The following STK32B variants were observed in gnomAD, a reference collection of about 807,000 sequenced individuals.
STK32B encodes serine/threonine-protein kinase 32B.
In STK32B, 43 loss-of-function variants were observed where a neutral mutation model predicts 52.6. The observed-to-expected ratio is 0.82, with a 90% CI of 0.64 to 1.05. The LOEUF is 1.05. Ranked by LOEUF, STK32B falls within the 50% of genes least tolerant of loss-of-function variation. The probability of loss-of-function intolerance (pLI) is 0.00; values close to 1 mark genes in which losing one functional copy is unlikely to be tolerated. For missense variants in STK32B, 621 were observed against 534.6 expected (o/e 1.16, Z -1.59); for synonymous variants, 238 against 204.3 (o/e 1.17, Z -1.41).
At chr4:5,117,399 A>AT (rs58704388) in intron 1 of STK32B, among the ~76,000 whole-genome samples, 79,373 of 151,572 alleles carry the variant, frequency 0.52, 21,085 homozygotes, top group East Asian at 0.77. Flanking sequence ...TGATCATATG[A>AT]TTTTTTTTTC....
intron 1 of STK32B, among the ~76,000 whole-genome samples, chr4:5,057,551 C>T (rs527449415): frequency 5.3e-5 from 8 of 152,142 alleles, no homozygotes; most frequent in East Asian, 1.9e-4. Context: ...TTTATGGGAT[C>T]GTAAAGGGGC....
At chr4:5,136,095 A>G (rs972010490) in intron 1 of STK32B, among the ~76,000 whole-genome samples, 1 of 152,204 alleles carries the variant, frequency 6.6e-6, no homozygotes, top group African/African-American at 2.4e-5. Flanking sequence ...TGAAAACGCC[A>G]CTGGATTTGA....
intron 2 of STK32B, 127 bp downstream of exon 2, chr4:5,140,087 T>C (rs2108831673): frequency 6.8e-7 from 1 of 1,471,588 alleles, no homozygotes; most frequent in East Asian, 2.3e-5. Context: ...AAACTTGAAA[T>C]GTGAAAGGAA....
At chr4:5,198,527 G>A (rs1721879172) in intron 3 of STK32B, among the ~76,000 whole-genome samples, 1 of 152,170 alleles carries the variant, frequency 6.6e-6, no homozygotes, top group African/African-American at 2.4e-5. Context: ...GACAAGGGGA[G>A]AAAGCTGCTA....
At chr4:5,243,779 T>C (rs1725226112) in intron 3 of STK32B, among the ~76,000 whole-genome samples, 1 of 152,164 alleles carries the variant, frequency 6.6e-6, no homozygotes, top group African/African-American at 2.4e-5. Flanking sequence ...TTGAGAGTTT[T>C]TAGCATGAAG....
In STK32B at chr4:5,394,239, C is replaced by T. The variant is rs761507619; in HGVS notation, c.435-3968C>T. ...GCACCGGGTTTTATAGCCCTGCATG[C>T]GTACTTTCCATCAAAGTGTCATTTT... is the stretch of plus-strand genomic sequence containing the variant. On this transcript the variant is annotated intron_variant, in intron 4 of 11. Coordinates refer to ENST00000282908, the MANE Select transcript of STK32B (RefSeq NM_018401.3). This position sits in a 1 kb window ranked among gnomAD's most constrained non-coding sequence, Gnocchi z 4.2. Among the ~76,000 whole-genome samples, 3 of 152,128 alleles carry T rather than the reference C, an allele frequency of 2.0e-5. No individual in the cohort carries two copies. Among genetic ancestry groups the T allele is most frequent in the Non-Finnish European group, 4.4e-5 (3 of 68,028 alleles).
intron 3 of STK32B, among the ~76,000 whole-genome samples, chr4:5,249,082 A>G (rs1295837435): frequency 6.7e-6 from 1 of 150,002 alleles, no homozygotes; most frequent in Non-Finnish European, 1.5e-5. Flanking sequence ...TATGATAATA[A>G]AAAAATAAAA....
chr4:5,250,157 T>C (rs1425444885), intron 3 of STK32B, among the ~76,000 whole-genome samples: 6 of 152,186 alleles, frequency 3.9e-5, no homozygotes, highest in African/African-American at 1.2e-4. Flanking sequence ...CAGTCTGCTA[T>C]TGATGGACAT....
Position 5,206,747 on chromosome 4 carries a change from C to G in STK32B, c.260+38297C>G, listed in dbSNP as rs114008112. On this transcript the variant is annotated intron_variant, in intron 3 of 11. Transcript: ENST00000282908. The stretch of plus-strand genomic sequence containing the variant: ...GAAGTGAGACAGCATCTGCCAGAAC[C>G]ATTCTGCACCCACGAAGACAAAGAC... 6.9e-3 allele frequency among the ~76,000 whole-genome samples: 1,053 copies of G among 152,284 alleles called. 10 individuals carry two copies. Among genetic ancestry groups the G allele is most frequent in the African/African-American group, 0.024 (980 of 41,564 alleles).
intron 3 of STK32B, among the ~76,000 whole-genome samples, chr4:5,202,179 A>G (rs1183764799): frequency 6.6e-6 from 1 of 152,236 alleles, no homozygotes; most frequent in Non-Finnish European, 1.5e-5. Flanking sequence ...AAAATGGCCA[A>G]AACAAAGGGG....
rs1325232941 is a variant in STK32B at position 5,470,903 on chromosome 4, A to T, written c.1106+2833A>T. Among the ~76,000 whole-genome samples the T allele has an allele frequency of 2.0e-5, 3 of 152,228 alleles. No homozygotes were observed. Among genetic ancestry groups the T allele is most frequent in the African/African-American group, 7.2e-5 (3 of 41,466 alleles). ...CCCACTTGAGCAGTGTAGTGAGTCG[A>T]GGGCTGGTCAGGGGGAGCCAAGCAT... On this transcript the variant is annotated intron_variant, in intron 11 of 11. Coordinates refer to ENST00000282908, the MANE Select transcript of STK32B (RefSeq NM_018401.3). This position sits in a 1 kb window ranked among gnomAD's most constrained non-coding sequence, Gnocchi z 4.6.
At chr4:5,409,614 A>C (rs1205183637) in intron 5 of STK32B, among the ~76,000 whole-genome samples, 2 of 152,156 alleles carry the variant, frequency 1.3e-5, no homozygotes, top group Admixed American at 6.5e-5. Context: ...ATCAGCTCAA[A>C]CTGGGGGCAC....
intron 1 of STK32B, among the ~76,000 whole-genome samples, chr4:5,069,190 CTTTTTTTTTTTT>C (rs11309394): frequency 1.0e-5 from 1 of 99,582 alleles, no homozygotes; most frequent in Non-Finnish European, 2.0e-5. Flanking sequence ...GGCAGGTTCT[CTTTTTTTTTTTT>C]TTTTTTTTGA....
At chr4:5,077,060 TCC>T (rs936124837) in intron 1 of STK32B, among the ~76,000 whole-genome samples, 4 of 152,172 alleles carry the variant, frequency 2.6e-5, no homozygotes, top group African/African-American at 9.6e-5. Context: ...CTCCAGATTA[TCC>T]GAGATACATC....
intron 1 of STK32B, among the ~76,000 whole-genome samples, chr4:5,092,279 C>A (rs1409439084): frequency 6.6e-6 from 1 of 152,194 alleles, no homozygotes; most frequent in Non-Finnish European, 1.5e-5. Flanking sequence ...CGCCTGTAAT[C>A]CCAGCACTTC....
intron 4 of STK32B, among the ~76,000 whole-genome samples, chr4:5,358,056 T>C (rs1734297530): frequency 6.6e-6 from 1 of 152,196 alleles, no homozygotes; most frequent in Non-Finnish European, 1.5e-5. Context: ...AGCTTTGGTT[T>C]CCCTTATGTC....
At chr4:5,150,063 CA>C (rs767974601) in intron 2 of STK32B, among the ~76,000 whole-genome samples, 4 of 151,898 alleles carry the variant, frequency 2.6e-5, no homozygotes, top group Non-Finnish European at 5.9e-5. Context: ...ATCTAACTTT[CA>C]GAATTTCTGA....
intron 3 of STK32B, among the ~76,000 whole-genome samples, chr4:5,253,654 C>A: frequency 6.6e-6 from 1 of 151,900 alleles, no homozygotes; most frequent in East Asian, 1.9e-4. Context: ...GGATTACAGG[C>A]GTGAGACACT....
intron 2 of STK32B, among the ~76,000 whole-genome samples, chr4:5,163,950 G>C (rs988779325): frequency 1.8e-4 from 28 of 152,152 alleles, no homozygotes; most frequent in African/African-American, 6.5e-4. Context: ...TGGGCCACAT[G>C]CTATGGCTGG....
Sources: gnomAD v4.1 joint callset for allele counts (sites outside exome capture counted in the v4.1 genomes callset) on GRCh38, gnomAD v4.1.1 for gene constraint, Gnocchi (gnomAD v3.1) non-coding constraint, MANE v1.5 for transcripts, NCBI Gene and HGNC (gene_info 2026-07-23, HGNC 2026-07-21) for gene names.